Variants in DYNLRB1 observed in about 807,000 individuals in gnomAD.
DYNLRB1 encodes the protein dynein light chain roadblock-type 1, also known as ROBL/LC7-like 1.
In DYNLRB1, 6 loss-of-function variants were observed where a neutral mutation model predicts 13.5. That is an observed-to-expected ratio of 0.44 (90% CI 0.24 to 0.88). DYNLRB1 has a LOEUF of 0.88. Among genes scored for constraint, DYNLRB1 ranks in the 40% least tolerant of loss-of-function variants. DYNLRB1 has a pLI of 0.21. For synonymous variants in DYNLRB1, 43 were observed against 45.0 expected (o/e 0.96, Z 0.18); for missense variants, 93 against 127.2 (o/e 0.73, Z 1.29).
At chr20:34,516,947 T>C (rs1007709145) in intron 1 of DYNLRB1, 67 of 1,360,904 alleles carry the variant, frequency 4.9e-5, no homozygotes, top group Non-Finnish European at 5.6e-5. Flanking sequence ...CCAAGTGCTT[T>C]GCCCCAGGAA....
intron 1 of DYNLRB1, among the ~76,000 whole-genome samples, chr20:34,519,990 C>T (rs1281508515): frequency 2.0e-5 from 3 of 151,866 alleles, no homozygotes; most frequent in Non-Finnish European, 1.5e-5. Context: ...GAAAAGTAGC[C>T]GGAAGCCGTG....
rs750263507 is a variant in DYNLRB1, at chr20:34,526,297, G to A, written c.33G>A (p.Leu11=). Residue 11 remains leucine (L), a synonymous_variant, in exon 2 of 4, where the codon CTG becomes CTA. Coordinates refer to ENST00000357156, the MANE Select transcript of DYNLRB1 (RefSeq NM_014183.4). MAEVEETLKR[L]QSQKGVQGII... The stretch of plus-strand genomic sequence containing the variant: ...AGGTGGAGGAGACACTGAAGCGACT[G>A]CAGAGCCAGAAGGGAGTGCAGGGAA... 1 of 1,614,050 alleles carries A rather than the reference G, an allele frequency of 6.2e-7. No individual in the cohort carries two copies. The highest frequency in any genetic ancestry group is 8.5e-7 in the Non-Finnish European group (1 of 1,180,042).
chr20:34,533,527 G>T (rs1289103055), intron 2 of DYNLRB1: 4 of 985,414 alleles, frequency 4.1e-6, no homozygotes, highest in African/African-American at 1.7e-5. Flanking sequence ...TTTTTAGTGT[G>T]TAGAAGTTTG....
At chr20:34,533,549 G>A (rs996980634) in intron 2 of DYNLRB1, 44 of 984,902 alleles carry the variant, frequency 4.5e-5, no homozygotes, top group African/African-American at 2.8e-4. Context: ...GGCCGGGCGC[G>A]GTGGCTCACG....
chr20:34,530,107 G>T, intron 2 of DYNLRB1: 1 of 1,233,040 alleles, frequency 8.1e-7, no homozygotes. Flanking sequence ...GGGGCCAACA[G>T]CCCCAGCTGT....
chr20:34,522,033 C>CA (rs940672504), intron 1 of DYNLRB1, among the ~76,000 whole-genome samples: 341 of 143,566 alleles, frequency 2.4e-3, no homozygotes, highest in East Asian at 1.8e-3. Flanking sequence ...GACCCTATCT[C>CA]AAAAAAAAAA....
rs146696300 is a variant in DYNLRB1, at chr20:34,537,136, C to T, written c.247+2341C>T. Reference sequence around the variant, plus strand: ...AGGCCTGGAGATCCCACAACCTTGTCAGTGGAGGAGGATGAGGTGGCCAGT... The same window carrying T: ...AGGCCTGGAGATCCCACAACCTTGTTAGTGGAGGAGGATGAGGTGGCCAGT... On this transcript the variant is annotated intron_variant, in intron 3 of 3. Transcript: ENST00000357156. Among the ~76,000 whole-genome samples, 601 of 152,268 alleles carry T rather than the reference C, an allele frequency of 3.9e-3. 4 individuals are homozygous for T. The highest frequency in any genetic ancestry group is 0.028 in the South Asian group (135 of 4,822).
At chr20:34,535,077 G>A (rs1981037122) in intron 3 of DYNLRB1, 4 of 985,402 alleles carry the variant, frequency 4.1e-6, no homozygotes, top group Non-Finnish European at 3.6e-6. Flanking sequence ...AAACTCAAAG[G>A]CATTTGGGAC....
Position 34,534,562 on chromosome 20 carries a change from G to A in DYNLRB1, c.80-66G>A, listed in dbSNP as rs1174680131. On this transcript the variant is annotated intron_variant, in intron 2 of 3. Coordinates refer to ENST00000357156, the MANE Select transcript of DYNLRB1 (RefSeq NM_014183.4). ...GCTATTCCAGTTCTCCCCAATTAGG[G>A]GTGTGGGTGGGAGCTCGGCAGAAGG... 3 of 1,505,848 alleles carry A rather than the reference G, an allele frequency of 2.0e-6. No individual in the cohort carries two copies. In the East Asian group the frequency reaches 6.9e-5, roughly 35 times the overall value. The allele number at this position is 1,505,848 out of a possible 1,614,324, so 93.3% of individuals were successfully genotyped here. A position where few individuals can be genotyped will look rare whatever the true frequency, so the allele number is the denominator to read the frequency against.
intron 1 of DYNLRB1, 135 bp downstream of exon 1, chr20:34,516,596 C>G (rs1979207277): frequency 6.6e-6 from 10 of 1,523,468 alleles, no homozygotes; most frequent in Non-Finnish European, 7.9e-6. Context: ...GGGCCCGGGC[C>G]CCAGCCGACT....
chr20:34,538,982 G>C (rs1981383587), intron 3 of DYNLRB1, among the ~76,000 whole-genome samples: 1 of 152,204 alleles, frequency 6.6e-6, no homozygotes, highest in Non-Finnish European at 1.5e-5. Flanking sequence ...ATTCACTGAG[G>C]TGCCGTGTGA....
intron 3 of DYNLRB1, among the ~76,000 whole-genome samples, chr20:34,538,394 G>A (rs1445090463): frequency 6.6e-6 from 1 of 151,044 alleles, no homozygotes; most frequent in Non-Finnish European, 1.5e-5. Flanking sequence ...CCATGATCAC[G>A]CCACTGCACT....
intron 1 of DYNLRB1, 124 bp downstream of exon 1, chr20:34,516,585 C>T (rs1600535163): frequency 3.9e-6 from 6 of 1,533,282 alleles, no homozygotes; most frequent in South Asian, 1.2e-5. Flanking sequence ...TGGGCGTGGC[C>T]GGGCCCGGGC....
chr20:34,534,847 C>G (rs1182651495), intron 3 of DYNLRB1, 52 bp downstream of exon 3: 1 of 1,612,700 alleles, frequency 6.2e-7, no homozygotes, highest in East Asian at 2.2e-5. Context: ...GGCACATTCT[C>G]TGTGGCTCAT....
At chr20:34,517,627 C>CTTTTTTTT (rs60155819) in intron 1 of DYNLRB1, among the ~76,000 whole-genome samples, 46 of 120,360 alleles carry the variant, frequency 3.8e-4, no homozygotes, top group East Asian at 7.1e-4. Context: ...TTCATTATTT[C>CTTTTTTTT]TTTTTTTTTT....
chr20:34,528,974 T>C (rs1437051279), intron 2 of DYNLRB1, among the ~76,000 whole-genome samples: 1 of 151,882 alleles, frequency 6.6e-6, no homozygotes, highest in Non-Finnish European at 1.5e-5. Context: ...GAGCAAGACC[T>C]TGTCTCTTTA....
intron 3 of DYNLRB1, among the ~76,000 whole-genome samples, chr20:34,538,986 C>T (rs1049252893): frequency 2.0e-5 from 3 of 152,140 alleles, no homozygotes; most frequent in Non-Finnish European, 2.9e-5. Context: ...ACTGAGGTGC[C>T]GTGTGAGAAG....
At chr20:34,539,157 A>C (rs1215446134) in intron 3 of DYNLRB1, among the ~76,000 whole-genome samples, 1 of 152,210 alleles carries the variant, frequency 6.6e-6, no homozygotes, top group Non-Finnish European at 1.5e-5. Context: ...TTTACTCCAA[A>C]TCATCAAGCC....
chr20:34,535,541 G>A, intron 3 of DYNLRB1: 1 of 802,994 alleles, frequency 1.2e-6, no homozygotes, highest in Non-Finnish European at 1.5e-6. Context: ...CTCCTGCCCG[G>A]CTCCCTCGCT....
Sources: gnomAD v4.1 joint callset for allele counts (sites outside exome capture counted in the v4.1 genomes callset) on GRCh38, gnomAD v4.1.1 for gene constraint, MANE v1.5 for transcripts, NCBI Gene and HGNC (gene_info 2026-07-23, HGNC 2026-07-21) for gene names.